The following CASP8 variants were observed in gnomAD, a reference collection of about 807,000 sequenced individuals.
CASP8 encodes caspase 8.
Under a neutral mutation model 46.3 loss-of-function variants are expected in CASP8, and 24 were observed. The observed-to-expected ratio is 0.52, with a 90% confidence interval of 0.38 to 0.73. The LOEUF is 0.73. CASP8 is among the 30% of genes least tolerant of loss of function. The pLI, the probability that CASP8 is intolerant of heterozygous loss-of-function variation, is 0.00. For missense variants in CASP8, 460 were observed against 559.0 expected, an observed-to-expected ratio of 0.82 and a Z score of 1.79; for synonymous variants, 188 against 200.4, an observed-to-expected ratio of 0.94 and a Z score of 0.52.
intron 8 of CASP8, among the ~76,000 whole-genome samples, chr2:201,285,585 G>A (rs953006721): frequency 6.6e-6 from 1 of 152,194 alleles, no homozygotes; most frequent in African/African-American, 2.4e-5. Context: ...GAAAAGCTGA[G>A]ATGCTTTATT....
In CASP8 at chr2:201,286,523, A is replaced by G. The variant is rs1308040445; in HGVS notation, c.1369A>G (p.Lys457Glu). Reference protein sequence around the residue: ...NYEVSNKDDKKNMGKQMPQPT... With the variant: ...NYEVSNKDDKENMGKQMPQPT... Reference sequence around the variant, plus strand: ...TGAAGTAAGCAACAAGGATGACAAGAAAAACATGGGGAAACAGATGCCTCA... The same window carrying G: ...TGAAGTAAGCAACAAGGATGACAAGGAAAACATGGGGAAACAGATGCCTCA... Residue 457 changes from lysine (K) to glutamate (E), a missense_variant, in exon 9 of 9, where the codon AAA (lysine) becomes GAA (glutamate). Transcript: ENST00000673742. 6.2e-7 allele frequency: 1 copy of G among 1,613,930 alleles called. No homozygotes were observed. The highest frequency in any genetic ancestry group is 8.5e-7 in the Non-Finnish European group (1 of 1,179,886).
intron 7 of CASP8, chr2:201,277,701 C>CA (rs1948724436): frequency 2.3e-6 from 1 of 432,706 alleles, no homozygotes; most frequent in Non-Finnish European, 4.5e-6. Flanking sequence ...CCCCTATTAA[C>CA]ATTTTTTTTT....
intron 2 of CASP8, among the ~76,000 whole-genome samples, chr2:201,247,446 G>A (rs937175727): frequency 6.6e-6 from 1 of 151,580 alleles, no homozygotes; most frequent in Non-Finnish European, 1.5e-5. Context: ...TTCCCCAGGG[G>A]CTGCAGGATT....
chr2:201,236,042 G>A (rs550680798), intron 2 of CASP8, among the ~76,000 whole-genome samples: 2 of 152,252 alleles, frequency 1.3e-5, no homozygotes, highest in South Asian at 2.1e-4. Context: ...AATCACTGAC[G>A]ATGCTTTTCT....
In CASP8 at chr2:201,283,300, A is replaced by G. The variant is rs1490718236; in HGVS notation, c.803-1516A>G. On this transcript the variant is annotated intron_variant, in intron 7 of 8. Coordinates refer to ENST00000673742, the MANE Select transcript of CASP8 (RefSeq NM_001372051.1). Reference sequence around the variant, plus strand: ...CCCCACCTCCCTCCTGGACGGGGCGACTGGCCGGGCAGAGGGGCTCCTCAC... The same window carrying G: ...CCCCACCTCCCTCCTGGACGGGGCGGCTGGCCGGGCAGAGGGGCTCCTCAC... Among the ~76,000 whole-genome samples, 516 of 57,538 alleles carry G rather than the reference A, an allele frequency of 9.0e-3. 5 individuals are homozygous for G. The highest frequency in any genetic ancestry group is 0.038 in the South Asian group (33 of 874). The allele number at this position is 57,538 out of a possible 152,430, so 37.7% of individuals were successfully genotyped here.
intron 2 of CASP8, among the ~76,000 whole-genome samples, chr2:201,253,561 T>C (rs1357673532): frequency 6.6e-6 from 1 of 152,038 alleles, no homozygotes; most frequent in Non-Finnish European, 1.5e-5. Flanking sequence ...TAAAAGTGAC[T>C]CCTGGGTGGT....
At chr2:201,247,519 T>C (rs114708784) in intron 2 of CASP8, among the ~76,000 whole-genome samples, 2,842 of 150,382 alleles carry the variant, frequency 0.019, 40 homozygotes, top group Non-Finnish European at 0.029. Flanking sequence ...AGAGCCTCAC[T>C]CTGTTGCCCA....
chr2:201,271,739 A>G (rs1405730915), intron 3 of CASP8, 118 bp downstream of exon 3: 20 of 722,424 alleles, frequency 2.8e-5, no homozygotes, highest in Non-Finnish European at 4.6e-5. Flanking sequence ...CTTTTTAACT[A>G]GAAGAAGAAA....
rs3185378 is a variant in CASP8 at position 201,286,716 on chromosome 2, G to C, written c.*122G>C. 0.59 allele frequency: 476,716 copies of C among 802,380 alleles called. 144,232 individuals carry two copies. The highest frequency in any genetic ancestry group is 0.67 in the East Asian group (23,276 of 34,522). 49.7% of individuals were successfully genotyped at this position (802,380 alleles called of 1,614,324 possible). On this transcript the variant is annotated 3_prime_UTR_variant, in exon 9 of 9. Transcript: ENST00000673742. ...CCGCAAGCTCCGCCTCCCGGGTTCA[G>C]GCCATTCTCCTGCCTCAGCCTCCCG...
chr2:201,284,773 A>T, intron 7 of CASP8, 43 bp from the exon 8 acceptor site: 1 of 1,596,832 alleles, frequency 6.3e-7, no homozygotes, highest in Non-Finnish European at 8.5e-7. Context: ...GTGGTCTGTG[A>T]ATTACTGTGG....
intron 1 of CASP8, chr2:201,233,983 C>CTT (rs1177520284): frequency 6.6e-6 from 1 of 152,310 alleles, no homozygotes; most frequent in East Asian, 1.9e-4. Flanking sequence ...CTGACATGGG[C>CTT]TTCTACTCAC....
chr2:201,277,024 A>T (rs56123204), intron 7 of CASP8, 56 bp downstream of exon 7: 23 of 1,266,882 alleles, frequency 1.8e-5, no homozygotes, highest in Middle Eastern at 1.8e-4. Flanking sequence ...ATTTTTTTTT[A>T]AATCAAAAGG....
chr2:201,275,455 C>G (rs930297362), intron 6 of CASP8, among the ~76,000 whole-genome samples: 4 of 152,186 alleles, frequency 2.6e-5, no homozygotes, highest in Non-Finnish European at 5.9e-5. Flanking sequence ...AATAACTTCT[C>G]TTTATGTAAT....
At position 201,276,867 on chromosome 2, in the gene CASP8, G is replaced by T. The variant is rs1390728717; in HGVS notation, c.701G>T (p.Gly234Val). ...KVYQMKSKPRGYCLIINNHNF... is the reference protein window; with the variant it reads ...KVYQMKSKPRVYCLIINNHNF... ...TACCAAATGAAAAGCAAACCTCGGG[G>T]ATACTGTCTGATCATCAACAATCAC... The change falls in exon 7 of 9, where the codon GGA (glycine) becomes GTA (valine). Residue 234 changes from glycine (G) to valine (V), a missense_variant. By Grantham distance (109) the Gly-to-Val change is moderately radical. Transcript: ENST00000673742. 1.2e-6 allele frequency: 2 copies of T among 1,614,078 alleles called. No homozygotes were observed. Among genetic ancestry groups the T allele is most frequent in the Non-Finnish European group, 1.7e-6 (2 of 1,179,970 alleles).
chr2:201,243,987 A>C (rs1946406957), intron 2 of CASP8, among the ~76,000 whole-genome samples: 1 of 152,222 alleles, frequency 6.6e-6, no homozygotes, highest in Non-Finnish European at 1.5e-5. Flanking sequence ...GATTACACAT[A>C]GGATTTTGGC....
intron 2 of CASP8, among the ~76,000 whole-genome samples, chr2:201,270,374 C>T (rs34966392): frequency 0.018 from 2,678 of 152,112 alleles, 53 homozygotes; most frequent in Admixed American, 0.058. Context: ...AGTCTATGGA[C>T]GAGGAAAAAA....
chr2:201,244,037 T>C (rs1350805884), intron 2 of CASP8, among the ~76,000 whole-genome samples: 1 of 152,202 alleles, frequency 6.6e-6, no homozygotes, highest in Non-Finnish European at 1.5e-5. Context: ...CCTTTGATTT[T>C]TCAGAGCCCA....
At chr2:201,276,253 C>T (rs1300883443) in intron 6 of CASP8, among the ~76,000 whole-genome samples, 1 of 152,166 alleles carries the variant, frequency 6.6e-6, no homozygotes, top group Admixed American at 6.5e-5. Context: ...CCTCCCTGAC[C>T]AGCCCATCTC....
intron 2 of CASP8, among the ~76,000 whole-genome samples, chr2:201,248,007 T>C (rs1946615685): frequency 6.6e-6 from 1 of 151,900 alleles, no homozygotes; most frequent in South Asian, 2.1e-4. Flanking sequence ...CTTGGACTCC[T>C]GGCCTCAAGT....
Sources: gnomAD v4.1 joint callset for allele counts (sites outside exome capture counted in the v4.1 genomes callset) on GRCh38, gnomAD v4.1.1 for gene constraint, MANE v1.5 for transcripts, NCBI Gene and HGNC (gene_info 2026-07-23, HGNC 2026-07-21) for gene names.